The following KLHL29 variants were observed in gnomAD, a reference collection of about 807,000 sequenced individuals.
The protein encoded by KLHL29 is kelch like family member 29.
A neutral mutation model predicts 80.4 loss-of-function variants in KLHL29; 21 were observed. That is an observed-to-expected ratio of 0.26 (90% CI 0.19 to 0.38). The LOEUF (loss-of-function observed/expected upper bound fraction) is 0.38. Among genes scored for constraint, KLHL29 ranks in the 10% least tolerant of loss-of-function variants. KLHL29 has a pLI of 1.00. For missense variants in KLHL29, 867 were observed against 1,223.9 expected (o/e 0.71, Z 4.35); for synonymous variants, 511 against 526.8 (o/e 0.97, Z 0.41).
At position 23,388,989 on chromosome 2, in the gene KLHL29, C is replaced by CTTCTTCTT. The variant is rs759353519; in HGVS notation, c.-154+3211_-154+3212insCTTCTTTT. On this transcript the variant is annotated intron_variant, in intron 1 of 13. Transcript: ENST00000486442. ...TTCCTTTTTTTCTTTCTTTCTTCTT[C>CTTCTTCTT]TTTTTTTTTTTTTTTTTTTTAAAAT... Among the ~76,000 whole-genome samples the CTTCTTCTT allele has an allele frequency of 1.6e-3, 171 of 106,882 alleles. 1 individual carries two copies. The highest frequency in any genetic ancestry group is 6.1e-3 in the African/African-American group (163 of 26,684). The allele number at this position is 106,882 out of a possible 152,430, so 70.1% of individuals were successfully genotyped here. A position where few individuals can be genotyped will look rare whatever the true frequency, so the allele number is the denominator to read the frequency against.
Position 23,536,918 on chromosome 2 carries a change from A to ACTCT in KLHL29, c.-45-25226_-45-25223dup, listed in dbSNP as rs1553336407. ...CACACACACACACACACACACACAC[A>ACTCT]CTCTCTCTCTCCCTCTCTCGCTCTC... is the stretch of plus-strand genomic sequence containing the variant. On this transcript the variant is annotated intron_variant, in intron 2 of 13. Transcript: ENST00000486442. Among the ~76,000 whole-genome samples the ACTCT allele has an allele frequency of 9.2e-3, 1,289 of 140,656 alleles. 13 individuals carry two copies. Among genetic ancestry groups the ACTCT allele is most frequent in the African/African-American group, 0.028 (1,025 of 36,976 alleles). The allele number at this position is 140,656 out of a possible 152,430, so 92.3% of individuals were successfully genotyped here.
At chr2:23,542,916 T>A (rs750115587) in intron 2 of KLHL29, among the ~76,000 whole-genome samples, 1 of 152,192 alleles carries the variant, frequency 6.6e-6, no homozygotes, top group African/African-American at 2.4e-5. Flanking sequence ...CTCCCAACTG[T>A]CTGAGCTTCT....
At chr2:23,463,333 A>G (rs2103429722) in intron 1 of KLHL29, among the ~76,000 whole-genome samples, 1 of 152,196 alleles carries the variant, frequency 6.6e-6, no homozygotes, top group East Asian at 1.9e-4. Flanking sequence ...TAACATACAG[A>G]CACTAAAATT....
intron 3 of KLHL29, among the ~76,000 whole-genome samples, chr2:23,578,040 G>A (rs1036276647): frequency 6.6e-6 from 1 of 152,242 alleles, no homozygotes; most frequent in Admixed American, 6.5e-5. Flanking sequence ...TAAATTATGC[G>A]ATTCCTCCCT....
chr2:23,534,093 A>G lies in KLHL29; in HGVS notation c.-45-28059A>G, dbSNP rs563876203. 1.2e-4 allele frequency among the ~76,000 whole-genome samples: 19 copies of G among 152,280 alleles called. No homozygotes were observed. The South Asian group carries it at 3.5e-3, about 28-fold the overall frequency. ...GGTTTCGGGGATGCCTTTCCAAGCA[A>G]CCAGGGATTCCTGTCTGACATCCCG... On this transcript the variant is annotated intron_variant, in intron 2 of 13. Transcript: ENST00000486442.
chr2:23,665,441 T>A lies in KLHL29; in HGVS notation c.941-18958T>A, dbSNP rs145041654. Among the ~76,000 whole-genome samples the A allele has an allele frequency of 9.1e-4, 138 of 152,336 alleles. 1 individual carries two copies. Among genetic ancestry groups the A allele is most frequent in the African/African-American group, 3.2e-3 (132 of 41,572 alleles). ...CATGGCCTGAAGGGTTTGACACCCCTCTGCCATCTCCCTACCACCAGTACC... is the reference window on the plus strand; with the variant it reads ...CATGGCCTGAAGGGTTTGACACCCCACTGCCATCTCCCTACCACCAGTACC... On this transcript the variant is annotated intron_variant, in intron 5 of 13. Coordinates refer to ENST00000486442, the MANE Select transcript of KLHL29 (RefSeq NM_052920.2).
chr2:23,513,208 A>G (rs1008927179), intron 2 of KLHL29, among the ~76,000 whole-genome samples: 11 of 152,258 alleles, frequency 7.2e-5, no homozygotes, highest in African/African-American at 2.7e-4. Flanking sequence ...TCAGAGAGAC[A>G]GAACTTGCTG....
In KLHL29 at chr2:23,700,844, CCACT is replaced by C. The variant is rs1442503430; in HGVS notation, c.2106-2336_2106-2333del. On this transcript the variant is annotated intron_variant, in intron 11 of 13. Coordinates refer to ENST00000486442, the MANE Select transcript of KLHL29 (RefSeq NM_052920.2). The surrounding 1 kb of genome is among the most constrained non-coding windows in gnomAD (Gnocchi z 4.6). ...GAAGCCCTCACCTTCAGGGGCACAG[CCACT>C]CACTCGCTGTTGGGACCTTGGCTGC... is the stretch of plus-strand genomic sequence containing the variant. Among the ~76,000 whole-genome samples, 1 of 152,142 alleles carries C rather than the reference CCACT, an allele frequency of 6.6e-6. No individual in the cohort carries two copies. Among genetic ancestry groups the C allele is most frequent in the Non-Finnish European group, 1.5e-5 (1 of 68,036 alleles).
At chr2:23,637,493 C>T (rs1483715812) in intron 3 of KLHL29, among the ~76,000 whole-genome samples, 1 of 152,142 alleles carries the variant, frequency 6.6e-6, no homozygotes. Context: ...GGAGATTCAC[C>T]CTTTTCCTTT....
intron 3 of KLHL29, among the ~76,000 whole-genome samples, chr2:23,563,288 C>T (rs12473746): frequency 0.14 from 20,900 of 152,238 alleles, 2,124 homozygotes; most frequent in Admixed American, 0.25. Flanking sequence ...GCTGGCTGCT[C>T]GGAGCCCCTC....
intron 3 of KLHL29, among the ~76,000 whole-genome samples, chr2:23,564,037 G>C (rs1206648020): frequency 6.6e-6 from 1 of 152,242 alleles, no homozygotes; most frequent in Non-Finnish European, 1.5e-5. Context: ...AGGGCCAGCT[G>C]TTGGCCATAT....
At chr2:23,619,865 T>C (rs1326165643) in intron 3 of KLHL29, among the ~76,000 whole-genome samples, 1 of 152,206 alleles carries the variant, frequency 6.6e-6, no homozygotes, top group African/African-American at 2.4e-5. Flanking sequence ...GGCCTTATCC[T>C]GGAAATAAGG....
At chr2:23,532,919 G>GCC (rs1346997200) in intron 2 of KLHL29, among the ~76,000 whole-genome samples, 1 of 152,132 alleles carries the variant, frequency 6.6e-6, no homozygotes, top group Non-Finnish European at 1.5e-5. Flanking sequence ...GTGCACGTGG[G>GCC]CCGAGAGGAG....
At chr2:23,674,544 T>G (rs1572486547) in intron 5 of KLHL29, among the ~76,000 whole-genome samples, 1 of 152,050 alleles carries the variant, frequency 6.6e-6, no homozygotes, top group Non-Finnish European at 1.5e-5. Flanking sequence ...CTTCAATCCC[T>G]CCAGCCAAGA....
At chr2:23,446,614 C>T (rs1163215533) in intron 1 of KLHL29, among the ~76,000 whole-genome samples, 2 of 152,188 alleles carry the variant, frequency 1.3e-5, no homozygotes, top group African/African-American at 4.8e-5. Flanking sequence ...TTTTGATAAA[C>T]AAGGCTTATT....
chr2:23,673,431 C>G (rs1187230214), intron 5 of KLHL29, among the ~76,000 whole-genome samples: 1 of 148,570 alleles, frequency 6.7e-6, no homozygotes, highest in African/African-American at 2.4e-5. Flanking sequence ...CGTACACACC[C>G]CCACACCACA....
chr2:23,663,918 G>C (rs549641733), intron 5 of KLHL29, among the ~76,000 whole-genome samples: 22 of 152,332 alleles, frequency 1.4e-4, no homozygotes, highest in African/African-American at 5.3e-4. Context: ...GTTGCCAAAA[G>C]AGAAAGCTCA....
Position 23,468,133 on chromosome 2 carries a change from A to G in KLHL29, c.-153-7427A>G, listed in dbSNP as rs147947962. On this transcript the variant is annotated intron_variant, in intron 1 of 13. Transcript: ENST00000486442. ...AGAACAACCATCGATGTTTAGTGGTATCATCCCCATTGTATAGAAGAGGAG... is the reference window on the plus strand; with the variant it reads ...AGAACAACCATCGATGTTTAGTGGTGTCATCCCCATTGTATAGAAGAGGAG... Among the ~76,000 whole-genome samples, 413 of 152,302 alleles carry G rather than the reference A, an allele frequency of 2.7e-3. 4 individuals carry two copies. Among genetic ancestry groups the G allele is most frequent in the African/African-American group, 9.3e-3 (385 of 41,562 alleles).
intron 3 of KLHL29, among the ~76,000 whole-genome samples, chr2:23,581,758 G>T (rs990785464): frequency 2.0e-5 from 3 of 148,922 alleles, no homozygotes; most frequent in Middle Eastern, 3.5e-3. Flanking sequence ...AACCCGGGAG[G>T]TGGAGGTTGC....
Sources: allele counts gnomAD v4.1 joint callset (sites outside exome capture counted in the v4.1 genomes callset), GRCh38; gene constraint gnomAD v4.1.1; non-coding constraint Gnocchi (gnomAD v3.1); transcripts MANE v1.5; gene names NCBI Gene and HGNC (gene_info 2026-07-23, HGNC 2026-07-21).